Variants in PRKX observed in about 807,000 individuals in gnomAD.
PRKX encodes cAMP-dependent protein kinase catalytic subunit PRKX.
A neutral mutation model predicts 22.0 loss-of-function variants in PRKX; 12 were observed. The observed-to-expected ratio is 0.54, with a 90% confidence interval of 0.35 to 0.88. PRKX has a LOEUF of 0.88. PRKX is among the 40% of genes least tolerant of loss of function. The probability of loss-of-function intolerance (pLI) is 0.01; values close to 1 mark genes in which losing one functional copy is unlikely to be tolerated. For missense variants in PRKX, 217 were observed against 308.0 expected, an observed-to-expected ratio of 0.70 and a Z score of 2.21; for synonymous variants, 134 against 137.7, an observed-to-expected ratio of 0.97 and a Z score of 0.19.
At chrX:3,694,759 GACCAGTGT>G (rs1406069606) in intron 1 of PRKX, among the ~76,000 whole-genome samples, 1 of 109,905 alleles carries the variant, frequency 9.1e-6, no homozygotes, top group Non-Finnish European at 1.9e-5. Flanking sequence ...TAAATCCAAT[GACCAGTGT>G]ACTTCTAAGA....
intron 6 of PRKX, among the ~76,000 whole-genome samples, chrX:3,620,468 C>T (rs191481577): frequency 1.1e-3 from 122 of 112,280 alleles, no homozygotes; most frequent in African/African-American, 3.7e-3. Flanking sequence ...TAGTGGTCCA[C>T]GGCCTATGAG....
chrX:3,636,720 C>T (rs1419566031), intron 4 of PRKX, among the ~76,000 whole-genome samples: 1 of 111,682 alleles, frequency 9.0e-6, no homozygotes, highest in Non-Finnish European at 1.9e-5. Context: ...ATTAGCTGGG[C>T]GTGGTGGCGC....
intron 1 of PRKX, among the ~76,000 whole-genome samples, chrX:3,701,890 T>C (rs1051204988): frequency 5.4e-5 from 6 of 111,937 alleles, no homozygotes; most frequent in Non-Finnish European, 9.4e-5. Flanking sequence ...CTATTTGGTC[T>C]AAAAAGGGGA....
In PRKX at chrX:3,713,398, G is replaced by A. The variant is rs1213979463; in HGVS notation, c.-145C>T. 19 of 472,391 alleles carry A rather than the reference G, an allele frequency of 4.0e-5. No individual in the cohort carries two copies. The East Asian group carries it at 9.4e-4, about 23-fold the overall frequency. 38.9% of individuals were successfully genotyped at this position (472,391 alleles called of 1,213,427 possible). On this transcript the variant is annotated 5_prime_UTR_variant, in exon 1 of 9. Coordinates refer to ENST00000262848, the MANE Select transcript of PRKX (RefSeq NM_005044.5). ...GCTCTCGCCTCCTGGTGCGCGGTCC[G>A]GCGCGGCTGACGGAGCGACGGGGAC... is the stretch of plus-strand genomic sequence containing the variant.
At chrX:3,691,629 T>C (rs141984021) in intron 1 of PRKX, among the ~76,000 whole-genome samples, 2,320 of 111,303 alleles carry the variant, frequency 0.021, 26 homozygotes, top group South Asian at 0.05. Context: ...GGTGGGGCCA[T>C]CCTGTGCACT....
Position 3,612,332 on chromosome X carries a change from G to A in PRKX, c.952-7C>T, listed in dbSNP as rs1446434420. 8 of 1,204,764 alleles carry A rather than the reference G, an allele frequency of 6.6e-6. No individual in the cohort carries two copies. The highest frequency in any genetic ancestry group is 9.0e-6 in the Non-Finnish European group (8 of 893,182). On this transcript the variant is annotated splice_polypyrimidine_tract_variant and splice_region_variant and intron_variant, in intron 7 of 8. Transcript: ENST00000262848. Reference sequence around the variant, plus strand: ...TCTTGGGCACGATGGGAGGCTGTGAGACATGGCCGAAGCACAAAGGCATGG... The same window carrying A: ...TCTTGGGCACGATGGGAGGCTGTGAAACATGGCCGAAGCACAAAGGCATGG...
At chrX:3,677,758 C>T (rs1927994364) in intron 1 of PRKX, among the ~76,000 whole-genome samples, 1 of 111,322 alleles carries the variant, frequency 9.0e-6, no homozygotes, top group African/African-American at 3.3e-5. Flanking sequence ...GAGAAGTAAC[C>T]TTTGCTTTTT....
intron 3 of PRKX, among the ~76,000 whole-genome samples, chrX:3,649,830 G>GAGGAAGGA (rs1174879240): frequency 1.2e-5 from 1 of 82,005 alleles, no homozygotes; most frequent in Non-Finnish European, 2.4e-5. Flanking sequence ...GGGAGGGAGG[G>GAGGAAGGA]AGGAAGGAAG....
chrX:3,629,298 G>A (rs1473450881), intron 4 of PRKX, among the ~76,000 whole-genome samples: 11 of 109,909 alleles, frequency 1.0e-4, no homozygotes, highest in African/African-American at 3.6e-4. Context: ...CTGGAGTACT[G>A]CAGCGTGATC....
rs139519998 is a variant in PRKX, at chrX:3,711,151, G to C, written c.166+1937C>G. Among the ~76,000 whole-genome samples the C allele has an allele frequency of 8.6e-3, 954 of 110,940 alleles. 9 individuals are homozygous for C. Among genetic ancestry groups the C allele is most frequent in the African/African-American group, 0.029 (898 of 30,471 alleles). The stretch of plus-strand genomic sequence containing the variant: ...GTTGTCATGAGAGAGTGTTCCAGAC[G>C]TGCATGCAAACATACACACACACAC... On this transcript the variant is annotated intron_variant, in intron 1 of 8. Coordinates refer to ENST00000262848, the MANE Select transcript of PRKX (RefSeq NM_005044.5).
rs1247515263 is a variant in PRKX at position 3,713,485 on chromosome X, C to T, written c.-232G>A. ...GCCCCGAGTGGGAGCAGCCGCCGGC[C>T]TCGGGGGGCGGGCACCGAGTGCGGG... On this transcript the variant is annotated 5_prime_UTR_variant, in exon 1 of 9. Transcript: ENST00000262848. The T allele has an allele frequency of 7.8e-6, 2 of 255,040 alleles. No homozygotes were observed. The highest frequency in any genetic ancestry group is 1.2e-4 in the East Asian group (2 of 16,640). 21.0% of individuals were successfully genotyped at this position (255,040 alleles called of 1,213,427 possible).
intron 4 of PRKX, among the ~76,000 whole-genome samples, chrX:3,637,181 T>C (rs1286752579): frequency 9.2e-6 from 1 of 109,158 alleles, no homozygotes; most frequent in Non-Finnish European, 1.9e-5. Flanking sequence ...AGCCAGCCTT[T>C]GGGCAGGGGG....
intron 3 of PRKX, among the ~76,000 whole-genome samples, chrX:3,648,103 C>T (rs1464710193): frequency 1.8e-5 from 2 of 112,044 alleles, no homozygotes; most frequent in African/African-American, 6.5e-5. Flanking sequence ...GACAGAGCTC[C>T]TGGCCAATTT....
At chrX:3,694,434 A>G (rs1179450171) in intron 1 of PRKX, among the ~76,000 whole-genome samples, 2 of 111,596 alleles carry the variant, frequency 1.8e-5, no homozygotes, top group East Asian at 5.6e-4. Context: ...TTAAAAAAAT[A>G]AAGAGCCAGA....
intron 1 of PRKX, among the ~76,000 whole-genome samples, chrX:3,679,577 G>A (rs1928030304): frequency 9.0e-6 from 1 of 110,908 alleles, no homozygotes; most frequent in African/African-American, 3.3e-5. Context: ...GACTGTTCAG[G>A]CTTGATCCTC....
intron 3 of PRKX, among the ~76,000 whole-genome samples, chrX:3,649,917 A>G (rs1249204626): frequency 9.2e-6 from 1 of 109,028 alleles, no homozygotes; most frequent in Admixed American, 9.8e-5. Flanking sequence ...AGGTTGGAGG[A>G]CTGCTTCAGT....
chrX:3,693,907 T>C (rs1227969113), intron 1 of PRKX, among the ~76,000 whole-genome samples: 2 of 85,455 alleles, frequency 2.3e-5, no homozygotes, highest in Non-Finnish European at 4.3e-5. Flanking sequence ...GCCACTGCAC[T>C]CCAGCCTGGA....
intron 1 of PRKX, among the ~76,000 whole-genome samples, chrX:3,685,386 T>C (rs929011027): frequency 3.6e-5 from 4 of 110,094 alleles, no homozygotes; most frequent in African/African-American, 1.3e-4. Flanking sequence ...CTAAGCCTCA[T>C]TCAAGAGGCG....
chrX:3,678,535 AT>A (rs1234392834), intron 1 of PRKX, among the ~76,000 whole-genome samples: 2 of 112,251 alleles, frequency 1.8e-5, no homozygotes, highest in African/African-American at 6.5e-5. Flanking sequence ...AGCTGTGTGC[AT>A]TATAAACATA....
Sources: gnomAD v4.1 joint callset for allele counts (sites outside exome capture counted in the v4.1 genomes callset) on GRCh38, gnomAD v4.1.1 for gene constraint, MANE v1.5 for transcripts, NCBI Gene and HGNC (gene_info 2026-07-23, HGNC 2026-07-21) for gene names.